SNRPN: variants seen among roughly 807,000 people sequenced by gnomAD.
The protein encoded by SNRPN is small nuclear ribonucleoprotein-associated protein N.
Under a neutral mutation model 25.2 loss-of-function variants are expected in SNRPN, and 7 were observed. The ratio of observed to expected loss-of-function variants is 0.28; its 90% CI spans 0.16 to 0.52. SNRPN has a LOEUF of 0.52. SNRPN is among the 20% of genes least tolerant of loss of function. The pLI is 0.96. For synonymous variants in SNRPN, 124 were observed against 110.6 expected, an observed-to-expected ratio of 1.12 and a Z score of -0.76; for missense variants, 196 against 322.5, an observed-to-expected ratio of 0.61 and a Z score of 3.00.
At chr15:24,944,793 G>T (rs2153100395) in intron 3 of SNRPN, among the ~76,000 whole-genome samples, 1 of 152,268 alleles carries the variant, frequency 6.6e-6, no homozygotes, top group South Asian at 2.1e-4. Context: ...TTGGTCATGT[G>T]GTTATGGAGG....
At position 24,847,963 on chromosome 15, in the gene SNRPN, A is replaced by G. The variant is rs2052352077; in HGVS notation, c.-579+18058A>G. Among the ~76,000 whole-genome samples, 2 of 152,048 alleles carry G rather than the reference A, an allele frequency of 1.3e-5. 1 individual carries two copies. Among genetic ancestry groups the G allele is most frequent in the South Asian group, 4.2e-4 (2 of 4,816 alleles). On this transcript the variant is annotated intron_variant, in intron 2 of 12. Coordinates refer to the SNRPN transcript ENST00000400100. ...CAGGAGCATTATAGTTCAGAAGATT[A>G]GAGTAATTTCTTAGACTAAAGCCTT...
intron 1 of SNRPN, among the ~76,000 whole-genome samples, chr15:24,956,357 G>A (rs931458936): frequency 1.3e-5 from 2 of 151,704 alleles, no homozygotes; most frequent in African/African-American, 4.8e-5. Flanking sequence ...GCTTCAGCGG[G>A]GGGGTGGCCG....
intron 2 of SNRPN, among the ~76,000 whole-genome samples, chr15:24,964,452 C>T (rs1397096140): frequency 6.6e-6 from 1 of 152,078 alleles, no homozygotes; most frequent in Non-Finnish European, 1.5e-5. Flanking sequence ...GCCACCATGC[C>T]TGGCTAATTT....
chr15:24,945,554 A>T (rs1373291243), intron 3 of SNRPN, among the ~76,000 whole-genome samples: 1 of 147,624 alleles, frequency 6.8e-6, no homozygotes, highest in Non-Finnish European at 1.5e-5. Flanking sequence ...CCATCTCTTT[A>T]AAAAAAAAAT....
intron 1 of SNRPN, among the ~76,000 whole-genome samples, chr15:24,956,358 G>C (rs1180207941): frequency 1.3e-5 from 2 of 151,572 alleles, no homozygotes; most frequent in African/African-American, 2.4e-5. Context: ...CTTCAGCGGG[G>C]GGGTGGCCGC....
chr15:24,957,419 T>C (rs769582758), intron 1 of SNRPN, among the ~76,000 whole-genome samples: 1 of 152,236 alleles, frequency 6.6e-6, no homozygotes, highest in Non-Finnish European at 1.5e-5. Context: ...AAATTAATGA[T>C]CATTTTTGAA....
chr15:24,834,761 A>C (rs1291767621), intron 2 of SNRPN, among the ~76,000 whole-genome samples: 3,697 of 45,778 alleles, frequency 0.081, 167 homozygotes, highest in African/African-American at 0.16. Context: ...CTATATATAT[A>C]TATATATATA....
At chr15:24,934,474 T>C (rs1405687678) in intron 3 of SNRPN, among the ~76,000 whole-genome samples, 1 of 152,206 alleles carries the variant, frequency 6.6e-6, no homozygotes, top group African/African-American at 2.4e-5. Context: ...GTTGAGTAGT[T>C]GTGAGTGATC....
chr15:24,863,925 C>T (rs552136174), intron 1 of SNRPN, among the ~76,000 whole-genome samples: 6 of 150,478 alleles, frequency 4.0e-5, no homozygotes, highest in East Asian at 2.0e-4. Flanking sequence ...CTTTGGATTT[C>T]GTTTGCTCTA....
chr15:24,955,654 C>G (rs112249731), intron 1 of SNRPN, among the ~76,000 whole-genome samples: 1 of 84,614 alleles, frequency 1.2e-5, no homozygotes, highest in Admixed American at 1.5e-4. Flanking sequence ...TGGCAGTGGA[C>G]CAGGGGGATG....
chr15:24,934,104 C>T (rs2061068565), intron 3 of SNRPN, among the ~76,000 whole-genome samples: 1 of 151,976 alleles, frequency 6.6e-6, no homozygotes, highest in African/African-American at 2.4e-5. Flanking sequence ...TCGAGACCAG[C>T]CTGGCCAACA....
intron 3 of SNRPN, among the ~76,000 whole-genome samples, chr15:24,938,549 A>G (rs1274610690): frequency 1.3e-5 from 2 of 152,170 alleles, no homozygotes; most frequent in African/African-American, 4.8e-5. Flanking sequence ...TGCTGGGATT[A>G]CATGTGTGAG....
At chr15:24,925,223 C>T (rs541843873) in intron 3 of SNRPN, among the ~76,000 whole-genome samples, 2 of 152,082 alleles carry the variant, frequency 1.3e-5, no homozygotes, top group Non-Finnish European at 2.9e-5. Flanking sequence ...TGCTTACTAG[C>T]TTATAAAGGG....
chr15:24,961,244 G>T (rs2074756633), intron 1 of SNRPN, among the ~76,000 whole-genome samples: 1 of 152,098 alleles, frequency 6.6e-6, no homozygotes, highest in South Asian at 2.1e-4. Flanking sequence ...ACTCTTGAAA[G>T]AATAAAACAG....
At chr15:24,943,849 T>G (rs1442851478) in intron 3 of SNRPN, among the ~76,000 whole-genome samples, 1 of 151,922 alleles carries the variant, frequency 6.6e-6, no homozygotes, top group Non-Finnish European at 1.5e-5. Context: ...CGAGACAGGG[T>G]CTCGCCCTGT....
At chr15:24,847,201 A>G (rs1206896980) in intron 2 of SNRPN, among the ~76,000 whole-genome samples, 2 of 152,150 alleles carry the variant, frequency 1.3e-5, no homozygotes, top group African/African-American at 2.4e-5. Flanking sequence ...GGTTTGAGGA[A>G]TGAGACTACT....
At chr15:24,829,484 G>A (rs12899607) in intron 1 of SNRPN, among the ~76,000 whole-genome samples, 124,212 of 152,058 alleles carry the variant, frequency 0.82, 51,016 homozygotes, top group East Asian at 0.97. Context: ...TAATACATGA[G>A]GAGGCAGGAG....
chr15:24,879,985 T>C (rs1450499073), intron 1 of SNRPN, among the ~76,000 whole-genome samples: 1 of 152,106 alleles, frequency 6.6e-6, no homozygotes, highest in African/African-American at 2.4e-5. Flanking sequence ...CTCCAAGAGG[T>C]CCATTTCCCA....
At position 24,929,125 on chromosome 15, in the gene SNRPN, G is replaced by A. The variant is rs1162369851; in HGVS notation, c.-391+9001G>A. Among the ~76,000 whole-genome samples the A allele has an allele frequency of 6.6e-6, 1 of 152,138 alleles. No individual in the cohort carries two copies. Among genetic ancestry groups the A allele is most frequent in the Non-Finnish European group, 1.5e-5 (1 of 68,032 alleles). Reference sequence around the variant, plus strand: ...CAGATATACGGGATATAAAGATATAGCTATATGTATGTGACTATATGTATT... The same window carrying A: ...CAGATATACGGGATATAAAGATATAACTATATGTATGTGACTATATGTATT... On this transcript the variant is annotated intron_variant, in intron 3 of 11. Transcript: ENST00000400097. This position sits in a 1 kb window ranked among gnomAD's most constrained non-coding sequence, Gnocchi z 5.3.
Sources: allele counts gnomAD v4.1 joint callset (sites outside exome capture counted in the v4.1 genomes callset), GRCh38; gene constraint gnomAD v4.1.1; non-coding constraint Gnocchi (gnomAD v3.1); transcripts MANE v1.5; gene names NCBI Gene and HGNC (gene_info 2026-07-23, HGNC 2026-07-21).